The following BEST3 variants were observed in gnomAD, a reference collection of about 807,000 sequenced individuals.
BEST3 encodes bestrophin 3.
A neutral mutation model predicts 47.1 loss-of-function variants in BEST3; 50 were observed. The observed-to-expected ratio is 1.06, with a 90% CI of 0.85 to 1.34. BEST3 has a LOEUF of 1.34. Among genes scored for constraint, BEST3 ranks in the 40% most tolerant of loss-of-function variants. The pLI, the probability that BEST3 is intolerant of heterozygous loss-of-function variation, is 0.00. For synonymous variants in BEST3, 282 were observed against 298.8 expected, an observed-to-expected ratio of 0.94 and a Z score of 0.58; for missense variants, 765 against 817.0, an observed-to-expected ratio of 0.94 and a Z score of 0.78.
chr12:69,683,720 G>T (rs1360934609), intron 4 of BEST3: 1 of 152,134 alleles, frequency 6.6e-6, no homozygotes, highest in Non-Finnish European at 1.5e-5. Flanking sequence ...TGTTCTGACC[G>T]CTTTGGGCAC....
intron 4 of BEST3, 51 bp downstream of exon 4, chr12:69,693,623 G>A: frequency 7.3e-7 from 1 of 1,365,266 alleles, no homozygotes; most frequent in East Asian, 2.3e-5. Flanking sequence ...AATTCTGGAG[G>A]TCCTGTCTCA....
At chr12:69,677,815 C>A (rs962497604) in intron 5 of BEST3, among the ~76,000 whole-genome samples, 16 of 152,130 alleles carry the variant, frequency 1.1e-4, no homozygotes, top group Non-Finnish European at 2.4e-4. Flanking sequence ...GAAATATCCC[C>A]CCGCCATTCT....
chr12:69,682,081 CAAAAAAAA>C (rs35331064), intron 4 of BEST3, among the ~76,000 whole-genome samples: 2 of 102,322 alleles, frequency 2.0e-5, no homozygotes, highest in African/African-American at 7.9e-5. Flanking sequence ...GACTCCGTCT[CAAAAAAAA>C]AAAAAAAAAG....
At chr12:69,649,304 C>T (rs902684252), downstream of BEST3, among the ~76,000 whole-genome samples, 1 of 152,206 alleles carries the variant, frequency 6.6e-6, no homozygotes, top group African/African-American at 2.4e-5. Flanking sequence ...GATTTGTTGT[C>T]ACTCTTTATA....
intron 4 of BEST3, chr12:69,683,222 G>A (rs1255937657): frequency 6.6e-6 from 1 of 152,222 alleles, no homozygotes; most frequent in African/African-American, 2.4e-5. Context: ...GACAAGTAGA[G>A]CAAGAAGAGC....
At chr12:69,679,367 C>T (rs1164199481) in intron 4 of BEST3, among the ~76,000 whole-genome samples, 2 of 152,204 alleles carry the variant, frequency 1.3e-5, no homozygotes, top group Admixed American at 1.3e-4. Flanking sequence ...TAATCATGTC[C>T]TCCTCTCTGA....
At chr12:69,670,795 G>C (rs564072920) in intron 9 of BEST3, among the ~76,000 whole-genome samples, 1 of 150,720 alleles carries the variant, frequency 6.6e-6, no homozygotes, top group East Asian at 1.9e-4. Context: ...TTTTGTTTTT[G>C]AGTGGAGAGT....
chr12:69,699,134 T>C, intron 1 of BEST3, 71 bp downstream of exon 1: 2 of 868,092 alleles, frequency 2.3e-6, no homozygotes, highest in Non-Finnish European at 1.4e-6. Flanking sequence ...TTTCAAGCTC[T>C]GCCAGGAAAA....
chr12:69,672,944 G>C lies in BEST3; in HGVS notation c.889C>G (p.Pro297Ala), dbSNP rs764921549. The stretch of plus-strand genomic sequence containing the variant: ...AAATCATCATCATCTTCTCCAAAAG[G>C]GTTGATAAGCTGCTCTGCTACCTGT... ...WLKVAEQLIN[P>A]FGEDDDDFET... Residue 297 changes from proline (P) to alanine (A), a missense_variant, in exon 8 of 10, where the codon CCT becomes GCT. Transcript: ENST00000330891. 3 of 1,612,904 alleles carry C rather than the reference G, an allele frequency of 1.9e-6. No homozygotes were observed. The highest frequency in any genetic ancestry group is 2.5e-6 in the Non-Finnish European group (3 of 1,179,456).
rs1462468998 is a variant in BEST3 at position 69,691,663 on chromosome 12, G to GT, written c.481+2010_481+2011insA. Among the ~76,000 whole-genome samples the GT allele has an allele frequency of 2.0e-5, 3 of 152,104 alleles. No individual in the cohort carries two copies. In the East Asian group the frequency reaches 5.8e-4, roughly 29 times the overall value. On this transcript the variant is annotated intron_variant, in intron 4 of 9. Coordinates refer to ENST00000330891, the MANE Select transcript of BEST3 (RefSeq NM_032735.3). Reference sequence around the variant, plus strand: ...AAAAATTAGCCAGGCGTGGTGGTGTGCGCCTGTAGTCCCAGCTGCTCGGGA... The same window carrying GT: ...AAAAATTAGCCAGGCGTGGTGGTGTGTCGCCTGTAGTCCCAGCTGCTCGGGA...
chr12:69,644,901 A>T (rs536615005), intron 9 of BEST3, among the ~76,000 whole-genome samples: 1 of 152,222 alleles, frequency 6.6e-6, no homozygotes, highest in Admixed American at 6.5e-5. Context: ...ATTGTAATAC[A>T]TGTAATTTAT....
intron 9 of BEST3, among the ~76,000 whole-genome samples, chr12:69,671,036 CT>C (rs1884536381): frequency 6.6e-6 from 1 of 152,104 alleles, no homozygotes; most frequent in South Asian, 2.1e-4. Context: ...GTTAAAACCA[CT>C]GAACAGAGAC....
intron 4 of BEST3, among the ~76,000 whole-genome samples, chr12:69,688,831 T>G (rs1251021758): frequency 2.0e-5 from 3 of 152,192 alleles, no homozygotes; most frequent in Non-Finnish European, 2.9e-5. Context: ...AGGAGTTTGT[T>G]CAACTCATTG....
Position 69,671,575 on chromosome 12 carries a change from G to A in BEST3, c.953C>T (p.Ser318Phe), listed in dbSNP as rs1486533635. ...NWCIDRNLQV[S>F]LLAVDEMHMS... is the part of the protein sequence containing the mutation. ...GTGCATTTCGTCCACAGCTAAAAGA[G>A]AGACCTAAAATCATTGTTATATTGT... Residue 318 changes from serine (S) to phenylalanine (F), a missense_variant, in exon 9 of 10, where the codon TCT becomes TTT. Transcript: ENST00000330891. 6.2e-7 allele frequency: 1 copy of A among 1,613,150 alleles called. No homozygotes were observed. Among genetic ancestry groups the A allele is most frequent in the East Asian group, 2.2e-5 (1 of 44,880 alleles).
At chr12:69,652,128 C>T (rs1490456718), downstream of BEST3, among the ~76,000 whole-genome samples, 1 of 152,186 alleles carries the variant, frequency 6.6e-6, no homozygotes, top group Non-Finnish European at 1.5e-5. Flanking sequence ...CCTTACTGAA[C>T]TACAAACCCC....
At chr12:69,659,685 G>T (rs1883750059) in intron 9 of BEST3, among the ~76,000 whole-genome samples, 1 of 147,838 alleles carries the variant, frequency 6.8e-6, no homozygotes, top group African/African-American at 2.5e-5. Flanking sequence ...TTCCCAAATG[G>T]GAGGCTGGAG....
downstream of BEST3, among the ~76,000 whole-genome samples, chr12:69,648,924 G>T (rs76686232): frequency 1.4e-3 from 217 of 152,294 alleles, no homozygotes; most frequent in African/African-American, 4.4e-3. Flanking sequence ...ACATATAAAA[G>T]CTGAAGCTAG....
At chr12:69,691,806 T>C (rs1280815656) in intron 4 of BEST3, among the ~76,000 whole-genome samples, 2 of 152,256 alleles carry the variant, frequency 1.3e-5, no homozygotes. Flanking sequence ...AAATATTCTT[T>C]GCAGGCCTGG....
downstream of BEST3, among the ~76,000 whole-genome samples, chr12:69,653,261 G>T (rs1883271758): frequency 6.6e-6 from 1 of 152,196 alleles, no homozygotes; most frequent in Admixed American, 6.5e-5. Flanking sequence ...AGACTTGAGC[G>T]GGGAGGACCC....
Sources: allele counts gnomAD v4.1 joint callset (sites outside exome capture counted in the v4.1 genomes callset), GRCh38; gene constraint gnomAD v4.1.1; transcripts MANE v1.5; gene names NCBI Gene and HGNC (gene_info 2026-07-23, HGNC 2026-07-21).